Variants in CNTLN observed in about 807,000 individuals in gnomAD.
The protein encoded by CNTLN is centlein, centrosomal protein.
Under a neutral mutation model 180.0 loss-of-function variants are expected in CNTLN, and 212 were observed. The ratio of observed to expected loss-of-function variants is 1.18; its 90% CI spans 1.05 to 1.32. The LOEUF (loss-of-function observed/expected upper bound fraction) is 1.32. CNTLN is among the 40% of genes most tolerant of loss of function. The probability of loss-of-function intolerance (pLI) is 0.00; values close to 1 mark genes in which losing one functional copy is unlikely to be tolerated. For missense variants in CNTLN, 2,095 were observed against 1,610.9 expected (o/e 1.30, Z -5.14); for synonymous variants, 722 against 563.1 (o/e 1.28, Z -3.99).
chr9:17,267,509 T>G (rs538366787), intron 5 of CNTLN, among the ~76,000 whole-genome samples: 1 of 152,082 alleles, frequency 6.6e-6, no homozygotes, highest in Admixed American at 6.5e-5. Flanking sequence ...ATCTGACAAT[T>G]ATGTGTCTTG....
chr9:17,297,955 C>T (rs1359273218), intron 6 of CNTLN, among the ~76,000 whole-genome samples: 1 of 152,060 alleles, frequency 6.6e-6, no homozygotes, highest in Non-Finnish European at 1.5e-5. Context: ...TATAAAGCTA[C>T]AAAAGAAAAT....
At chr9:17,235,270 T>G (rs968613621) in intron 3 of CNTLN, among the ~76,000 whole-genome samples, 4 of 152,198 alleles carry the variant, frequency 2.6e-5, no homozygotes, top group African/African-American at 9.6e-5. Flanking sequence ...AAATCATAGT[T>G]TATCAGAAAA....
chr9:17,268,967 C>G (rs1827727093), intron 5 of CNTLN, among the ~76,000 whole-genome samples: 1 of 152,070 alleles, frequency 6.6e-6, no homozygotes, highest in South Asian at 2.1e-4. Flanking sequence ...AAAGGGAACT[C>G]CCTGACCCCT....
At chr9:17,347,665 T>A (rs1230377835) in intron 12 of CNTLN, among the ~76,000 whole-genome samples, 1 of 98,854 alleles carries the variant, frequency 1.0e-5, no homozygotes, top group Admixed American at 1.1e-4. Flanking sequence ...ACAGTAAGAC[T>A]CTTGTCTCAA....
chr9:17,430,098 G>A (rs983151775), intron 18 of CNTLN, among the ~76,000 whole-genome samples: 5 of 151,786 alleles, frequency 3.3e-5, no homozygotes, highest in East Asian at 1.9e-4. Context: ...ATTGACATCC[G>A]TACTTGTATA....
chr9:17,376,327 T>C (rs1355041503), intron 13 of CNTLN, among the ~76,000 whole-genome samples: 1 of 152,054 alleles, frequency 6.6e-6, no homozygotes, highest in Non-Finnish European at 1.5e-5. Flanking sequence ...CATACTTACA[T>C]TCGAGCAGTA....
intron 14 of CNTLN, among the ~76,000 whole-genome samples, chr9:17,392,799 A>T (rs963798210): frequency 5.4e-5 from 8 of 147,414 alleles, no homozygotes; most frequent in East Asian, 2.0e-4. Context: ...GTTGAACATT[A>T]AAAAAAAAAG....
chr9:17,470,340 T>C (rs535301675), intron 23 of CNTLN, among the ~76,000 whole-genome samples: 10 of 152,066 alleles, frequency 6.6e-5, no homozygotes, highest in African/African-American at 2.4e-4. Flanking sequence ...ACATGGAACA[T>C]TATGATCACC....
chr9:17,432,496 AAC>A (rs1829473458), intron 18 of CNTLN, among the ~76,000 whole-genome samples: 1 of 152,202 alleles, frequency 6.6e-6, no homozygotes, highest in African/African-American at 2.4e-5. Flanking sequence ...AGGAATGAAA[AAC>A]ACAGAAGATA....
chr9:17,478,646 C>T (rs903881467), intron 23 of CNTLN, among the ~76,000 whole-genome samples: 3 of 151,908 alleles, frequency 2.0e-5, no homozygotes, highest in Non-Finnish European at 4.4e-5. Flanking sequence ...AGTCTTTTAT[C>T]CATCTTGAGC....
chr9:17,263,645 T>A (rs1827181738), intron 5 of CNTLN, among the ~76,000 whole-genome samples: 1 of 146,034 alleles, frequency 6.8e-6, no homozygotes, highest in Admixed American at 6.8e-5. Context: ...TTGAACTAGT[T>A]TACAGTTCCA....
chr9:17,505,386 C>T (rs1326235810), downstream of CNTLN, among the ~76,000 whole-genome samples: 4 of 151,842 alleles, frequency 2.6e-5, no homozygotes, highest in African/African-American at 7.2e-5. Context: ...AGAAAAATAA[C>T]CACTCAAAAC....
At chr9:17,304,027 C>A (rs1429670480) in intron 7 of CNTLN, among the ~76,000 whole-genome samples, 1 of 152,108 alleles carries the variant, frequency 6.6e-6, no homozygotes, top group Non-Finnish European at 1.5e-5. Flanking sequence ...ATTACCCATT[C>A]TTTCTCTCAT....
the CNTLN span, among the ~76,000 whole-genome samples, chr9:17,518,201 C>G: frequency 6.6e-6 from 1 of 151,830 alleles, no homozygotes; most frequent in Non-Finnish European, 1.5e-5. Flanking sequence ...ATGTGCACCA[C>G]CACACCCAGC....
the CNTLN span, among the ~76,000 whole-genome samples, chr9:17,520,837 C>T: frequency 6.6e-6 from 1 of 152,186 alleles, no homozygotes; most frequent in Non-Finnish European, 1.5e-5. Flanking sequence ...GTCAGGGCAG[C>T]ATCCCCCACC....
intron 10 of CNTLN, among the ~76,000 whole-genome samples, chr9:17,332,987 A>T (rs1211012612): frequency 6.6e-6 from 1 of 152,104 alleles, no homozygotes; most frequent in Non-Finnish European, 1.5e-5. Context: ...AAAATTGGGA[A>T]TAAATTTCTT....
In CNTLN at chr9:17,298,341, T is replaced by C; in HGVS notation, c.1135T>C (p.Ser379Pro). 6.2e-7 allele frequency: 1 copy of C among 1,610,336 alleles called. No homozygotes were observed. The highest frequency in any genetic ancestry group is 8.5e-7 in the Non-Finnish European group (1 of 1,178,690). The change falls in exon 7 of 26, where the codon TCA (serine) becomes CCA (proline). Residue 379 changes from serine (S) to proline (P), a missense_variant. Transcript: ENST00000380647. ...AGATGTTCACACAGCTGAAAGTATA[T>C]CATATCAAAAAGTATGCTTTTATTC... Reference protein sequence around the residue: ...QEDVHTAESISYQKLYNELHI... With the variant: ...QEDVHTAESIPYQKLYNELHI...
At chr9:17,326,207 G>A (rs1403755072) in intron 8 of CNTLN, among the ~76,000 whole-genome samples, 2 of 151,908 alleles carry the variant, frequency 1.3e-5, no homozygotes, top group Non-Finnish European at 2.9e-5. Context: ...GTCAGTCCAC[G>A]AATCATTTTT....
rs73641959 is a variant in CNTLN at position 17,360,731 on chromosome 9, C to T, written c.1887-5886C>T. On this transcript the variant is annotated intron_variant, in intron 12 of 25. Coordinates refer to ENST00000380647, the MANE Select transcript of CNTLN (RefSeq NM_017738.4). ...ACTATTTTGGGATTTTGCAGACGTC[C>T]TTCTGGTATTTATTTTTAATTTTAT... is the stretch of plus-strand genomic sequence containing the variant. Among the ~76,000 whole-genome samples, 771 of 152,158 alleles carry T rather than the reference C, an allele frequency of 5.1e-3. 8 individuals carry two copies. Among genetic ancestry groups the T allele is most frequent in the African/African-American group, 0.018 (731 of 41,524 alleles).
Sources: allele counts gnomAD v4.1 joint callset (sites outside exome capture counted in the v4.1 genomes callset), GRCh38; gene constraint gnomAD v4.1.1; transcripts MANE v1.5; gene names NCBI Gene and HGNC (gene_info 2026-07-23, HGNC 2026-07-21).